BRD2: variants seen among roughly 807,000 people sequenced by gnomAD.
BRD2 encodes the protein bromodomain containing 2, also known as bromodomain-containing protein 2.
In BRD2, 15 loss-of-function variants were observed where a neutral mutation model predicts 79.1. The ratio of observed to expected loss-of-function variants is 0.19; its 90% CI spans 0.13 to 0.29. BRD2 has a LOEUF of 0.29. Ranked by LOEUF, BRD2 falls within the 10% of genes least tolerant of loss-of-function variation. The pLI, the probability that BRD2 is intolerant of heterozygous loss-of-function variation, is 1.00. For missense variants in BRD2, 1,053 were observed against 991.3 expected, an observed-to-expected ratio of 1.06 and a Z score of -0.84; for synonymous variants, 488 against 358.6, an observed-to-expected ratio of 1.36 and a Z score of -4.08.
rs1778075517 is a variant in BRD2 at position 32,972,116 on chromosome 6, AG to A, written c.-782del. The A allele has an allele frequency of 1.5e-6, 1 of 686,032 alleles. No individual in the cohort carries two copies. Among genetic ancestry groups the A allele is most frequent in the South Asian group, 1.5e-5 (1 of 65,856 alleles). 42.5% of individuals were successfully genotyped at this position (686,032 alleles called of 1,614,324 possible). ...CGCGCGCGCGGAGGGGGTGGGGAAA[AG>A]CTCAAGCAGGGTGGCGCGCATGAGC... On this transcript the variant is annotated 5_prime_UTR_variant, in exon 2 of 13. It introduces an in-frame stop codon into an upstream open reading frame of the 5' UTR. Transcript: ENST00000374825.
At chr6:32,975,325 G>A (rs980414086) in intron 3 of BRD2, 59 bp from the exon 4 acceptor site, 1 of 1,375,524 alleles carries the variant, frequency 7.3e-7, no homozygotes, top group Non-Finnish European at 1.0e-6. Context: ...TCGGGGATCG[G>A]TAGTCTCCCT....
rs1188079131 is a variant in BRD2, at chr6:32,981,448, T to A, written c.*730T>A. 1.3e-5 allele frequency: 2 copies of A among 152,254 alleles called. No homozygotes were observed. The highest frequency in any genetic ancestry group is 2.9e-5 in the Non-Finnish European group (2 of 68,042). The allele number at this position is 152,254 out of a possible 1,614,324, so 9.4% of individuals were successfully genotyped here. A position where few individuals can be genotyped will look rare whatever the true frequency, so the allele number is the denominator to read the frequency against. ...CCTATAATTGGATTGTCTTAATTTTTAAACCAGTAGGCTTTTGCTGTGTTT... is the reference window on the plus strand; with the variant it reads ...CCTATAATTGGATTGTCTTAATTTTAAAACCAGTAGGCTTTTGCTGTGTTT... On this transcript the variant is annotated 3_prime_UTR_variant, in exon 13 of 13. Transcript: ENST00000374825.
rs1778444023 is a variant in BRD2 at position 32,974,450 on chromosome 6, C to T, written c.30-12C>T. The T allele has an allele frequency of 1.2e-6, 2 of 1,601,390 alleles. No homozygotes were observed. Among genetic ancestry groups the T allele is most frequent in the Non-Finnish European group, 8.5e-7 (1 of 1,171,278 alleles). On this transcript the variant is annotated splice_polypyrimidine_tract_variant and intron_variant, in intron 2 of 12. Coordinates refer to ENST00000374825, the MANE Select transcript of BRD2 (RefSeq NM_005104.4). ...GGACGATATTGCCCTAATTTTGTTC[C>T]CATCTTTACAGGCTCCCTGGGGAAG...
Position 32,971,816 on chromosome 6 carries a change from GGA to G in BRD2, c.-1077_-1076del, listed in dbSNP as rs1458441866. 4.6e-6 allele frequency: 3 copies of G among 650,942 alleles called. No homozygotes were observed. The highest frequency in any genetic ancestry group is 1.7e-5 in the South Asian group (1 of 60,228). 40.3% of individuals were successfully genotyped at this position (650,942 alleles called of 1,614,324 possible). On this transcript the variant is annotated 5_prime_UTR_variant, in exon 2 of 13. An upstream open reading frame in the 5' UTR gains an earlier in-frame stop. Transcript: ENST00000374825. ...AAGACTTTGTTGGAAGGGGAGGCGGGGAGAGAGTGCTGGAGGCTCTGGGGCGA... is the reference window on the plus strand; with the variant it reads ...AAGACTTTGTTGGAAGGGGAGGCGGGGAGAGTGCTGGAGGCTCTGGGGCGA...
intron 2 of BRD2, 24 bp from the exon 3 acceptor site, chr6:32,974,438 C>G: frequency 6.3e-7 from 1 of 1,596,200 alleles, no homozygotes; most frequent in Non-Finnish European, 8.6e-7. Flanking sequence ...CGATATTGCC[C>G]TAATTTTGTT....
chr6:32,978,911 CTT>C (rs376219092), intron 10 of BRD2: 5 of 160,100 alleles, frequency 3.1e-5, no homozygotes, highest in Admixed American at 1.9e-4. Flanking sequence ...TCCAAAAAGA[CTT>C]TATTTGCAAA....
At position 32,980,370 on chromosome 6, in the gene BRD2, G is replaced by A; in HGVS notation, c.2175G>A (p.Lys725=). ...TTAAGAAGCCTGTGGGAAAGACAAA[G>A]GAGGAACTGGCTTTGGAGAAAAAGC... ...YTIKKPVGKT[K]EELALEKKRE... The change falls in exon 12 of 13, where the codon AAG becomes AAA. Residue 725 remains lysine, a synonymous_variant. Coordinates refer to ENST00000374825, the MANE Select transcript of BRD2 (RefSeq NM_005104.4). 1.2e-6 allele frequency: 2 copies of A among 1,613,064 alleles called. No homozygotes were observed. Among genetic ancestry groups the A allele is most frequent in the Middle Eastern group, 3.3e-4 (2 of 6,062 alleles).
chr6:32,969,499 C>T (rs959520678), intron 1 of BRD2: 6 of 601,014 alleles, frequency 1.0e-5, no homozygotes, highest in Non-Finnish European at 1.9e-5. Flanking sequence ...GCGCCAACTT[C>T]CTTTCTCCCC....
rs2127514511 is a variant in BRD2, at chr6:32,976,055, G to A, written c.496G>A (p.Ala166Thr). The change falls in exon 5 of 13, where the codon GCA becomes ACA. Residue 166 changes from alanine to threonine, a missense_variant. Around this residue, in one of 5 missense-constraint regions of BRD2, gnomAD observed 413 missense variants for 335.1 expected, o/e 1.23. Coordinates refer to ENST00000374825, the MANE Select transcript of BRD2 (RefSeq NM_005104.4). ...GCCCACTGATGATATTGTCCTAATG[G>A]CACAAACGCTGGAAAAGATATTCCT... ...NKPTDDIVLMAQTLEKIFLQK... is the reference protein window; with the variant it reads ...NKPTDDIVLMTQTLEKIFLQK... 2 of 1,611,368 alleles carry A rather than the reference G, an allele frequency of 1.2e-6. No individual in the cohort carries two copies. Among genetic ancestry groups the A allele is most frequent in the Non-Finnish European group, 1.7e-6 (2 of 1,179,466 alleles).
Position 32,978,301 on chromosome 6 carries a change from A to G in BRD2, c.1754A>G (p.Lys585Arg), listed in dbSNP as rs769250031. Reference protein sequence around the residue: ...GPRAPRPPQPKKSKKASGSGG... With the variant: ...GPRAPRPPQPRKSKKASGSGG... ...AGGGCACCCCGCCCACCTCAACCTA[A>G]GAAGTCCAAGAAAGCAAGTGGCAGT... The change falls in exon 10 of 13, where the codon AAG becomes AGG. Residue 585 changes from lysine to arginine, a missense_variant. Physicochemically the swap from Lys to Arg is conservative, Grantham distance 26. Coordinates refer to ENST00000374825, the MANE Select transcript of BRD2 (RefSeq NM_005104.4). 3.7e-5 allele frequency: 60 copies of G among 1,612,976 alleles called. No individual in the cohort carries two copies. Among genetic ancestry groups the G allele is most frequent in the Non-Finnish European group, 4.9e-5 (58 of 1,180,040 alleles).
intron 1 of BRD2, chr6:32,969,290 TA>T (rs1777737452): frequency 1.4e-6 from 1 of 712,686 alleles, no homozygotes; most frequent in African/African-American, 1.8e-5. Context: ...GCAAAGGGGT[TA>T]GGGGGCGGTG....
In BRD2 at chr6:32,975,108, C is replaced by CA. The variant is rs767982362; in HGVS notation, c.334-275dup. 849 of 1,509,782 alleles carry CA rather than the reference C, an allele frequency of 5.6e-4. 4 individuals carry two copies. Among genetic ancestry groups the CA allele is most frequent in the Middle Eastern group, 4.6e-3 (27 of 5,890 alleles). The allele number at this position is 1,509,782 out of a possible 1,614,324, so 93.5% of individuals were successfully genotyped here. Reference sequence around the variant, plus strand: ...CATGCAGCCCATGGATAGCCAGCCCCAGAGGTAATGTCACAGGATGGGAAG... The same window carrying CA: ...CATGCAGCCCATGGATAGCCAGCCCCAAGAGGTAATGTCACAGGATGGGAAG... On this transcript the variant is annotated intron_variant, in intron 3 of 12. Coordinates refer to ENST00000374825, the MANE Select transcript of BRD2 (RefSeq NM_005104.4).
rs189526648 is a variant in BRD2, at chr6:32,978,066, T to A, written c.1579-60T>A. 11,442 of 1,585,936 alleles carry A rather than the reference T, an allele frequency of 7.2e-3. 67 individuals carry two copies. Among genetic ancestry groups the A allele is most frequent in the Non-Finnish European group, 8.5e-3 (9,933 of 1,169,054 alleles). The stretch of plus-strand genomic sequence containing the variant: ...GAGGTTCATGCCCTTTGTCCTCATT[T>A]TTTCTTCTTGTTATTTTATCTTTAT... On this transcript the variant is annotated intron_variant, in intron 9 of 12. Coordinates refer to ENST00000374825, the MANE Select transcript of BRD2 (RefSeq NM_005104.4).
At position 32,976,814 on chromosome 6, in the gene BRD2, T is replaced by A. The variant is rs1024590214; in HGVS notation, c.1078T>A (p.Leu360Ile). ...ACATTGCAATGGCATTTTGAAGGAG[T>A]TACTCTCTAAGAAGCATGCTGCCTA... Reference protein sequence around the residue: ...LKHCNGILKELLSKKHAAYAW... With the variant: ...LKHCNGILKEILSKKHAAYAW... Residue 360 changes from leucine to isoleucine, a missense_variant, in exon 7 of 13, where the codon TTA (leucine) becomes ATA (isoleucine). Around this residue, in one of 5 missense-constraint regions of BRD2, gnomAD observed 454 missense variants for 430.5 expected, o/e 1.05. Transcript: ENST00000374825. 3 of 1,609,730 alleles carry A rather than the reference T, an allele frequency of 1.9e-6. No homozygotes were observed. Among genetic ancestry groups the A allele is most frequent in the Non-Finnish European group, 2.5e-6 (3 of 1,177,358 alleles).
At chr6:32,973,842 C>CG (rs1332946630) in intron 2 of BRD2, among the ~76,000 whole-genome samples, 1 of 152,110 alleles carries the variant, frequency 6.6e-6, no homozygotes, top group Non-Finnish European at 1.5e-5. Context: ...GCTGTGAAGT[C>CG]TGACAAATTC....
At chr6:32,975,953 G>A in intron 4 of BRD2, 78 bp from the exon 5 acceptor site, 2 of 1,485,908 alleles carry the variant, frequency 1.3e-6, no homozygotes, top group Non-Finnish European at 1.8e-6. Context: ...GGGCCTGAAT[G>A]CCTCTGAGAA....
At position 32,972,174 on chromosome 6, in the gene BRD2, A is replaced by AGG; in HGVS notation, c.-723_-722dup. On this transcript the variant is annotated 5_prime_UTR_variant, in exon 2 of 13. The change abolishes the stop of an existing upstream ORF in the 5' untranslated region. Coordinates refer to ENST00000374825, the MANE Select transcript of BRD2 (RefSeq NM_005104.4). ...GCTCCTCCTCCCCGCCTATATATAA[A>AGG]GGGCTGGCGCGGGGCTCGGCGGCGC... 1.7e-6 allele frequency: 1 copy of AGG among 584,452 alleles called. No individual in the cohort carries two copies. The highest frequency in any genetic ancestry group is 1.8e-5 in the South Asian group (1 of 54,714). The allele number at this position is 584,452 out of a possible 1,614,324, so 36.2% of individuals were successfully genotyped here. A position where few individuals can be genotyped will look rare whatever the true frequency, so the allele number is the denominator to read the frequency against.
rs1344076512 is a variant in BRD2, at chr6:32,971,917, G to T, written c.-982G>T. ...CCACAGCTCAGCCAATTGGCTTGGA[G>T]ATGTGGCGGGTTGCCACTTCCCTGT... On this transcript the variant is annotated 5_prime_UTR_variant, in exon 2 of 13. Coordinates refer to ENST00000374825, the MANE Select transcript of BRD2 (RefSeq NM_005104.4). 2.9e-6 allele frequency: 2 copies of T among 701,224 alleles called. No homozygotes were observed. The highest frequency in any genetic ancestry group is 5.2e-6 in the Non-Finnish European group (2 of 383,874). 43.4% of individuals were successfully genotyped at this position (701,224 alleles called of 1,614,324 possible). A position where few individuals can be genotyped will look rare whatever the true frequency, so the allele number is the denominator to read the frequency against.
At chr6:32,977,155 C>T (rs1458483008) in intron 7 of BRD2, 5 of 1,326,272 alleles carry the variant, frequency 3.8e-6, no homozygotes, top group East Asian at 5.0e-5. Flanking sequence ...AAAATACTGT[C>T]TATAATTAAG....
Sources: gnomAD v4.1 joint callset for allele counts (sites outside exome capture counted in the v4.1 genomes callset) on GRCh38, gnomAD v4.1.1 for gene constraint, gnomAD v4.1.1 regional missense constraint, MANE v1.5 for transcripts, NCBI Gene and HGNC (gene_info 2026-07-23, HGNC 2026-07-21) for gene names.